SLC35F4: variants seen among roughly 807,000 people sequenced by gnomAD.
The protein encoded by SLC35F4 is solute carrier family 35 member F4, also known as chromosome 14 open reading frame 36.
SLC35F4 carries 24 observed loss-of-function variants against 44.2 expected under a neutral mutation model. The ratio of observed to expected loss-of-function variants is 0.54; its 90% CI spans 0.39 to 0.76. SLC35F4 has a LOEUF of 0.76. SLC35F4 is among the 30% of genes least tolerant of loss of function. The pLI is 0.00. For synonymous variants in SLC35F4, 238 were observed against 223.6 expected (o/e 1.06, Z -0.57); for missense variants, 562 against 586.1 (o/e 0.96, Z 0.42).
intron 1 of SLC35F4, among the ~76,000 whole-genome samples, chr14:57,716,241 C>G (rs2075938358): frequency 6.6e-6 from 1 of 151,930 alleles, no homozygotes; most frequent in South Asian, 2.1e-4. Flanking sequence ...GTCCAGAAAC[C>G]AAATTCCTAT....
At chr14:57,963,120 C>T (rs1221648467) in intron 1 of SLC35F4, among the ~76,000 whole-genome samples, 1 of 152,156 alleles carries the variant, frequency 6.6e-6, no homozygotes, top group Non-Finnish European at 1.5e-5. Flanking sequence ...GAGTGACAGA[C>T]ATTCTATGGG....
chr14:57,575,711 G>C (rs2068748106), intron 4 of SLC35F4, among the ~76,000 whole-genome samples: 1 of 152,184 alleles, frequency 6.6e-6, no homozygotes, highest in Admixed American at 6.5e-5. Context: ...GAGTGGCATG[G>C]CCTCGTGAGC....
chr14:57,918,656 C>T (rs186689630), intron 1 of SLC35F4, among the ~76,000 whole-genome samples: 6 of 152,058 alleles, frequency 3.9e-5, no homozygotes, highest in Admixed American at 2.6e-4. Flanking sequence ...ATTTGCAGAA[C>T]GAGGAAGGGA....
chr14:57,915,213 G>T (rs773067067), intron 1 of SLC35F4, among the ~76,000 whole-genome samples: 1 of 152,098 alleles, frequency 6.6e-6, no homozygotes, highest in Non-Finnish European at 1.5e-5. Context: ...ACAAAGCTAC[G>T]CCCATCCTTT....
chr14:57,867,689 C>A (rs577661796), upstream of SLC35F4, among the ~76,000 whole-genome samples: 2 of 151,726 alleles, frequency 1.3e-5, no homozygotes, highest in South Asian at 4.2e-4. Context: ...ATGTATTGCA[C>A]ATGGTAAAAT....
chr14:57,817,673 G>A (rs908774544), intron 1 of SLC35F4, among the ~76,000 whole-genome samples: 1 of 152,072 alleles, frequency 6.6e-6, no homozygotes, highest in Non-Finnish European at 1.5e-5. Context: ...GGATAGGGGA[G>A]GATTTATTGA....
chr14:57,750,397 T>C (rs2076856431), intron 1 of SLC35F4, among the ~76,000 whole-genome samples: 1 of 152,200 alleles, frequency 6.6e-6, no homozygotes, highest in Non-Finnish European at 1.5e-5. Flanking sequence ...TTCCTTTGGA[T>C]AGATACCCAG....
At chr14:57,821,014 T>C (rs1256483724) in intron 1 of SLC35F4, among the ~76,000 whole-genome samples, 2 of 152,240 alleles carry the variant, frequency 1.3e-5, no homozygotes, top group African/African-American at 4.8e-5. Context: ...CAGTTATTAG[T>C]ACTTTCTTTT....
intron 1 of SLC35F4, among the ~76,000 whole-genome samples, chr14:57,737,687 C>T (rs1282065880): frequency 6.6e-6 from 1 of 152,148 alleles, no homozygotes; most frequent in Non-Finnish European, 1.5e-5. Flanking sequence ...TATCATAGTC[C>T]ACATTTTCTT....
chr14:57,649,770 G>T (rs2073704093), intron 1 of SLC35F4, among the ~76,000 whole-genome samples: 1 of 136,236 alleles, frequency 7.3e-6, no homozygotes, highest in Non-Finnish European at 1.6e-5. Context: ...CTTTTTTGTT[G>T]CCCTACTTAA....
At chr14:57,945,308 T>C (rs914891996) in intron 1 of SLC35F4, among the ~76,000 whole-genome samples, 6 of 151,978 alleles carry the variant, frequency 3.9e-5, no homozygotes, top group African/African-American at 7.3e-5. Flanking sequence ...TGAAAGCTAC[T>C]ATTTCTGACT....
chr14:57,765,768 C>T (rs2077220617), intron 1 of SLC35F4, among the ~76,000 whole-genome samples: 1 of 152,108 alleles, frequency 6.6e-6, no homozygotes, highest in African/African-American at 2.4e-5. Flanking sequence ...CTCATATAGT[C>T]AATATGAAAT....
intron 1 of SLC35F4, among the ~76,000 whole-genome samples, chr14:57,725,882 T>A (rs1566798421): frequency 6.6e-6 from 1 of 152,182 alleles, no homozygotes; most frequent in Admixed American, 6.5e-5. Flanking sequence ...TCACCTCTAG[T>A]GATTCACTAG....
chr14:57,790,170 T>C (rs2077879343), intron 1 of SLC35F4, among the ~76,000 whole-genome samples: 1 of 151,718 alleles, frequency 6.6e-6, no homozygotes, highest in African/African-American at 2.4e-5. Context: ...GAAAGAAAAA[T>C]GGTATTCACA....
chr14:57,594,294 A>G (rs1251939685), intron 1 of SLC35F4, among the ~76,000 whole-genome samples, 170 bp from the exon 2 acceptor site: 1 of 152,254 alleles, frequency 6.6e-6, no homozygotes, highest in Non-Finnish European at 1.5e-5. Context: ...GGTTCGAGCA[A>G]TTCTCCTGCC....
rs1429218674 is a variant in SLC35F4 at position 57,585,475 on chromosome 14, T to G, written c.587+3741A>C. On this transcript the variant is annotated intron_variant, in intron 3 of 7. Coordinates refer to ENST00000556826, the MANE Select transcript of SLC35F4 (RefSeq NM_001306087.2). Reference sequence around the variant, plus strand: ...CTTACCACTCCTATTCAACATAGTATTGGAAGTTCTGGCCAGGGCGATCAG... The same window carrying G: ...CTTACCACTCCTATTCAACATAGTAGTGGAAGTTCTGGCCAGGGCGATCAG... Among the ~76,000 whole-genome samples, 8 of 152,162 alleles carry G rather than the reference T, an allele frequency of 5.3e-5. No individual in the cohort carries two copies. In the East Asian group the frequency reaches 1.5e-3, roughly 29 times the overall value.
intron 4 of SLC35F4, among the ~76,000 whole-genome samples, chr14:57,574,193 A>G (rs2068661529): frequency 6.6e-6 from 1 of 152,194 alleles, no homozygotes. Flanking sequence ...GTAAAAATAG[A>G]TATGCATAAA....
rs188327051 is a variant in SLC35F4, at chr14:57,852,503, T to A, written c.103+13220A>T. On this transcript the variant is annotated intron_variant, in intron 1 of 7. Transcript: ENST00000556826. ...AGGAATGGCATGATCCAGTGAATGCTTCTGAAAGGTGATCATGGTTCCTAC... is the reference window on the plus strand; with the variant it reads ...AGGAATGGCATGATCCAGTGAATGCATCTGAAAGGTGATCATGGTTCCTAC... 3.1e-4 allele frequency among the ~76,000 whole-genome samples: 47 copies of A among 152,314 alleles called. No individual in the cohort carries two copies. In the East Asian group the frequency reaches 8.1e-3, roughly 26 times the overall value.
intron 1 of SLC35F4, among the ~76,000 whole-genome samples, chr14:57,924,096 T>C (rs928589921): frequency 2.0e-5 from 3 of 152,232 alleles, no homozygotes; most frequent in Non-Finnish European, 2.9e-5. Flanking sequence ...TGTGACTTGC[T>C]CCTCCTTGCC....
Sources: allele counts gnomAD v4.1 joint callset (sites outside exome capture counted in the v4.1 genomes callset), GRCh38; gene constraint gnomAD v4.1.1; transcripts MANE v1.5; gene names NCBI Gene and HGNC (gene_info 2026-07-23, HGNC 2026-07-21).